Variants in CEP83 observed in about 807,000 individuals in gnomAD.
The protein encoded by CEP83 is centrosomal protein 83.
CEP83 carries 70 observed loss-of-function variants against 101.9 expected under a neutral mutation model. The observed-to-expected ratio is 0.69, with a 90% CI of 0.57 to 0.84. CEP83 has a LOEUF of 0.84. Among genes scored for constraint, CEP83 ranks in the 40% least tolerant of loss-of-function variants. CEP83 has a pLI of 0.00. For missense variants in CEP83, 715 were observed against 787.2 expected, an observed-to-expected ratio of 0.91 and a Z score of 1.10; for synonymous variants, 264 against 267.9, an observed-to-expected ratio of 0.99 and a Z score of 0.14.
chr12:94,411,545 T>G, intron 4 of CEP83, 152 bp downstream of exon 4: 1 of 594,224 alleles, frequency 1.7e-6, no homozygotes, highest in Non-Finnish European at 2.9e-6. Context: ...TTCTAAAATA[T>G]ATGAAAGAAG....
intron 11 of CEP83, among the ~76,000 whole-genome samples, chr12:94,362,798 C>T (rs552599846): frequency 1.3e-5 from 2 of 152,300 alleles, no homozygotes; most frequent in Non-Finnish European, 2.9e-5. Context: ...ACGTGCCCAT[C>T]AACGGATGGA....
intron 16 of CEP83, 65 bp downstream of exon 16, chr12:94,309,853 A>T (rs1162407920): frequency 9.2e-7 from 1 of 1,082,418 alleles, no homozygotes; most frequent in Non-Finnish European, 1.3e-6. Flanking sequence ...TTATCACCAT[A>T]TTTAAACATA....
chr12:94,309,253 A>C (rs1375860627), intron 16 of CEP83, among the ~76,000 whole-genome samples: 1 of 152,226 alleles, frequency 6.6e-6, no homozygotes. Flanking sequence ...ATTATAAACA[A>C]AGCACTTGGC....
At chr12:94,421,640 C>T (rs1327712336) in intron 2 of CEP83, among the ~76,000 whole-genome samples, 1 of 152,168 alleles carries the variant, frequency 6.6e-6, no homozygotes, top group African/African-American at 2.4e-5. Context: ...CATCACTTAA[C>T]AAGGATATGC....
In CEP83 at chr12:94,383,965, T is replaced by C. The variant is rs182936872; in HGVS notation, c.550-4923A>G. 8.8e-3 allele frequency among the ~76,000 whole-genome samples: 1,337 copies of C among 152,296 alleles called. 11 individuals are homozygous for C. Among genetic ancestry groups the C allele is most frequent in the Middle Eastern group, 0.024 (7 of 294 alleles). ...AGAACCACATCAGAGTTAAAATTTT[T>C]ACTTCAACCACCAAACAAAATTTAG... On this transcript the variant is annotated intron_variant, in intron 6 of 16. Transcript: ENST00000397809.
intron 6 of CEP83, among the ~76,000 whole-genome samples, chr12:94,397,800 T>C (rs1458584914): frequency 1.3e-5 from 2 of 152,250 alleles, no homozygotes; most frequent in Non-Finnish European, 2.9e-5. Context: ...TTATCATTCC[T>C]ATTTTCCACA....
intron 6 of CEP83, among the ~76,000 whole-genome samples, chr12:94,389,789 T>C (rs1302755420): frequency 6.6e-6 from 1 of 152,182 alleles, no homozygotes; most frequent in Admixed American, 6.5e-5. Context: ...CCCAAGGTCT[T>C]AGCAACCAGC....
At chr12:94,282,280 CA>C in the CEP83 span, 1 of 1,573,362 alleles carries the variant, frequency 6.4e-7, no homozygotes, top group African/African-American at 1.4e-5. Flanking sequence ...TAAAAAGGAA[CA>C]AAATGCTCTT....
chr12:94,313,527 T>TAAAAAAAAA (rs58864740), intron 14 of CEP83, among the ~76,000 whole-genome samples: 2 of 95,720 alleles, frequency 2.1e-5, no homozygotes, highest in African/African-American at 8.3e-5. Flanking sequence ...AAGAACCCAT[T>TAAAAAAAAA]AAAAAAAAAA....
In CEP83 at chr12:94,349,686, A is replaced by G. The variant is rs185316259; in HGVS notation, c.1344-14022T>C. On this transcript the variant is annotated intron_variant, in intron 11 of 16. Coordinates refer to ENST00000397809, the MANE Select transcript of CEP83 (RefSeq NM_016122.3). ...TCATAAGCAATGGTGAGAGACTGAA[A>G]TGTTTTCCTTTAAGATCAGGAATAA... Among the ~76,000 whole-genome samples the G allele has an allele frequency of 4.6e-5, 7 of 152,340 alleles. No homozygotes were observed. The East Asian group carries it at 1.4e-3, about 29-fold the overall frequency.
At chr12:94,322,178 T>C (rs910306488) in intron 14 of CEP83, among the ~76,000 whole-genome samples, 3 of 152,104 alleles carry the variant, frequency 2.0e-5, no homozygotes, top group Non-Finnish European at 4.4e-5. Context: ...GCTTTTTCCA[T>C]AGGGTAGCCA....
intron 6 of CEP83, among the ~76,000 whole-genome samples, chr12:94,400,418 T>C (rs959234167): frequency 6.6e-6 from 1 of 152,190 alleles, no homozygotes; most frequent in African/African-American, 2.4e-5. Flanking sequence ...TGGGTACACT[T>C]TAAGGTATAA....
intron 2 of CEP83, among the ~76,000 whole-genome samples, chr12:94,417,214 G>A (rs530073738): frequency 5.7e-4 from 86 of 152,160 alleles, no homozygotes; most frequent in South Asian, 5.2e-3. Flanking sequence ...AGGTACTTGG[G>A]AGGCTAAGGT....
downstream of CEP83, chr12:94,307,140 T>C (rs983855413): frequency 6.6e-6 from 1 of 152,342 alleles, no homozygotes; most frequent in East Asian, 1.9e-4. Flanking sequence ...CCTGTCCAGC[T>C]TTCTGGCACA....
At chr12:94,403,298 C>T in intron 4 of CEP83, 36 bp from the exon 5 acceptor site, 2 of 923,138 alleles carry the variant, frequency 2.2e-6, no homozygotes, top group Non-Finnish European at 3.5e-6. Context: ...TATAAAATCA[C>T]ATTAAAATCA....
At position 94,370,578 on chromosome 12, in the gene CEP83, A is replaced by G. The variant is rs542109381; in HGVS notation, c.934-542T>C. 2.0e-5 allele frequency among the ~76,000 whole-genome samples: 3 copies of G among 152,206 alleles called. No individual in the cohort carries two copies. In the East Asian group the frequency reaches 5.8e-4, roughly 29 times the overall value. ...TTTTTTGTAGCAATAGGGTCTTGCT[A>G]TGTTGACCAGGCTGGTCTCAAACTC... On this transcript the variant is annotated intron_variant, in intron 8 of 16. Transcript: ENST00000397809.
chr12:94,379,110 C>T, intron 6 of CEP83, 68 bp from the exon 7 acceptor site: 1 of 1,314,180 alleles, frequency 7.6e-7, no homozygotes, highest in East Asian at 2.4e-5. Context: ...ACATGCTTTA[C>T]AAGTCAGTAA....
intron 1 of CEP83, among the ~76,000 whole-genome samples, chr12:94,445,709 G>C (rs1288028633): frequency 2.6e-5 from 4 of 152,180 alleles, no homozygotes; most frequent in Admixed American, 2.6e-4. Flanking sequence ...AAAAGATTAA[G>C]TAAACATTTG....
chr12:94,459,988 C>CCCCACGCCGACGTCACCCACGCCA (rs2068033109), upstream of CEP83: 1 of 152,736 alleles, frequency 6.5e-6, no homozygotes, highest in African/African-American at 2.4e-5. Flanking sequence ...AAGTCCCACC[C>CCCCACGCCGACGTCACCCACGCCA]CCCACGCCGA....
Sources: gnomAD v4.1 joint callset for allele counts (sites outside exome capture counted in the v4.1 genomes callset) on GRCh38, gnomAD v4.1.1 for gene constraint, MANE v1.5 for transcripts, NCBI Gene and HGNC (gene_info 2026-07-23, HGNC 2026-07-21) for gene names.